Variants in COL11A1 observed in about 807,000 individuals in gnomAD.
COL11A1 encodes the protein collagen alpha-1(XI) chain.
A neutral mutation model predicts 265.2 loss-of-function variants in COL11A1; 74 were observed. The observed-to-expected ratio is 0.28, with a 90% confidence interval of 0.23 to 0.34. COL11A1 has a LOEUF of 0.34. Among genes scored for constraint, COL11A1 ranks in the 10% least tolerant of loss-of-function variants. The pLI is 1.00. For missense variants in COL11A1, 2,165 were observed against 2,263.6 expected (o/e 0.96, Z 0.88); for synonymous variants, 816 against 727.6 (o/e 1.12, Z -1.96).
At chr1:102,946,471 T>TG (rs1191554879) in intron 42 of COL11A1, among the ~76,000 whole-genome samples, 3 of 152,060 alleles carry the variant, frequency 2.0e-5, no homozygotes, top group Non-Finnish European at 4.4e-5. Context: ...TTACAGACTA[T>TG]GGAAATGCTT....
rs1165964060 is a variant in COL11A1 at position 102,878,067 on chromosome 1, C to G, written c.5373G>C (p.Gln1791His). 16 of 1,613,622 alleles carry G rather than the reference C, an allele frequency of 9.9e-6. No homozygotes were observed. Among genetic ancestry groups the G allele is most frequent in the Non-Finnish European group, 1.4e-5 (16 of 1,179,722 alleles). Residue 1791 changes from glutamine to histidine, a missense_variant, in exon 67 of 67, where the codon CAG becomes CAC. Physicochemically the swap from Gln to His is conservative, Grantham distance 24. Coordinates refer to ENST00000370096, the MANE Select transcript of COL11A1 (RefSeq NM_001854.4). ...VDVMINDFGD[Q>H]NQKFGFEVGP... ...CAACTTCAAATCCGAACTTCTGATT[C>G]TGATCACCAAAGTCATTGATCATGA...
At chr1:102,927,135 T>C (rs1656686294) in intron 46 of COL11A1, among the ~76,000 whole-genome samples, 1 of 152,116 alleles carries the variant, frequency 6.6e-6, no homozygotes, top group South Asian at 2.1e-4. Flanking sequence ...TAATCATATT[T>C]ATAAAAATAA....
At chr1:103,079,006 A>T in intron 2 of COL11A1, 135 bp from the exon 3 acceptor site, 1 of 661,720 alleles carries the variant, frequency 1.5e-6, no homozygotes, top group Non-Finnish European at 2.7e-6. Flanking sequence ...ACAGATTAAT[A>T]AATAAATAGG....
intron 4 of COL11A1, among the ~76,000 whole-genome samples, chr1:103,044,509 G>C (rs929596769): frequency 1.3e-5 from 2 of 151,922 alleles, no homozygotes; most frequent in Non-Finnish European, 2.9e-5. Flanking sequence ...AAAACACTAT[G>C]AAAAAACTGT....
Position 102,881,680 on chromosome 1 carries a change from T to C in COL11A1, c.5040+17A>G, listed in dbSNP as rs1383577071. Reference sequence around the variant, plus strand: ...TGAGTTCGTGAAAAATCGTTTCATGTTGAGGTAATAACATACCAGTTTTCC... The same window carrying C: ...TGAGTTCGTGAAAAATCGTTTCATGCTGAGGTAATAACATACCAGTTTTCC... On this transcript the variant is annotated intron_variant, in intron 65 of 66. Transcript: ENST00000370096. 5 of 1,595,944 alleles carry C rather than the reference T, an allele frequency of 3.1e-6. No individual in the cohort carries two copies. The highest frequency in any genetic ancestry group is 1.7e-5 in the Admixed American group (1 of 59,854).
chr1:102,978,318 C>T lies in COL11A1; in HGVS notation c.2754+390G>A, dbSNP rs190109637. Among the ~76,000 whole-genome samples the T allele has an allele frequency of 1.7e-3, 254 of 152,196 alleles. 1 individual carries two copies. Among genetic ancestry groups the T allele is most frequent in the Middle Eastern group, 0.01 (3 of 294 alleles). On this transcript the variant is annotated intron_variant, in intron 35 of 66. Coordinates refer to ENST00000370096, the MANE Select transcript of COL11A1 (RefSeq NM_001854.4). Reference sequence around the variant, plus strand: ...ATTCTGGCTTAATGGCTACTAGTAGCTTGTTTTTTACCAGCATAATTTTGC... The same window carrying T: ...ATTCTGGCTTAATGGCTACTAGTAGTTTGTTTTTTACCAGCATAATTTTGC...
At chr1:102,938,026 T>G (rs1249506315) in intron 44 of COL11A1, among the ~76,000 whole-genome samples, 2 of 152,222 alleles carry the variant, frequency 1.3e-5, no homozygotes, top group African/African-American at 2.4e-5. Context: ...TAAAAATGAA[T>G]TATGCATTAA....
At chr1:103,022,611 T>C (rs916602438) in intron 8 of COL11A1, 131 bp downstream of exon 8, 6 of 1,002,292 alleles carry the variant, frequency 6.0e-6, no homozygotes, top group Non-Finnish European at 9.1e-6. Context: ...GTCCTAGTGG[T>C]AATAGGCATT....
chr1:102,878,502 A>ATATATATATATATATTTTT, intron 66 of COL11A1, among the ~76,000 whole-genome samples: 1 of 126,704 alleles, frequency 7.9e-6, no homozygotes, highest in South Asian at 2.4e-4. Context: ...ATATATATAT[A>ATATATATATATATATTTTT]TTCTTTTTCT....
chr1:103,008,553 G>C, intron 14 of COL11A1, 37 bp from the exon 15 acceptor site: 1 of 1,566,960 alleles, frequency 6.4e-7, no homozygotes, highest in Non-Finnish European at 8.8e-7. Flanking sequence ...ACTTAATTTA[G>C]CAATTTCCTA....
intron 4 of COL11A1, among the ~76,000 whole-genome samples, chr1:103,051,019 A>T (rs1669772333): frequency 6.6e-6 from 1 of 152,062 alleles, no homozygotes; most frequent in South Asian, 2.1e-4. Context: ...CTACTGGGGG[A>T]TGCCTCCCAG....
intron 4 of COL11A1, among the ~76,000 whole-genome samples, chr1:103,037,615 T>A (rs1217478059): frequency 6.6e-6 from 1 of 152,168 alleles, no homozygotes; most frequent in Non-Finnish European, 1.5e-5. Context: ...GAAATTTAGA[T>A]ATAACTAAAA....
chr1:103,028,262 G>A (rs1667712860), intron 5 of COL11A1, among the ~76,000 whole-genome samples: 1 of 152,034 alleles, frequency 6.6e-6, no homozygotes, highest in Admixed American at 6.6e-5. Context: ...TTGAACTCCT[G>A]ACCTCAGGTG....
At position 102,914,209 on chromosome 1, in the gene COL11A1, T is replaced by C. The variant is rs190752210; in HGVS notation, c.3978+143A>G. The stretch of plus-strand genomic sequence containing the variant: ...CTCCAACTATATGGATTTTCCTGCA[T>C]TTGCAATTACTTTTTATGTTTTCTT... On this transcript the variant is annotated intron_variant, in intron 52 of 66. Coordinates refer to ENST00000370096, the MANE Select transcript of COL11A1 (RefSeq NM_001854.4). The C allele has an allele frequency of 2.9e-3, 2,042 of 709,012 alleles. 6 individuals carry two copies. Among genetic ancestry groups the C allele is most frequent in the Admixed American group, 5.3e-3 (200 of 37,526 alleles). 43.9% of individuals were successfully genotyped at this position (709,012 alleles called of 1,614,324 possible).
At chr1:102,934,425 TA>T in intron 46 of COL11A1, 23 bp downstream of exon 46, 11 of 1,509,584 alleles carry the variant, frequency 7.3e-6, no homozygotes, top group Non-Finnish European at 1.0e-5. Flanking sequence ...AATGATGGAG[TA>T]AACAATGACA....
chr1:102,989,027 CTGTT>C (rs1228275753), intron 29 of COL11A1, among the ~76,000 whole-genome samples: 4 of 152,022 alleles, frequency 2.6e-5, no homozygotes, highest in African/African-American at 4.8e-5. Flanking sequence ...ACTAATATTT[CTGTT>C]TGTTTTCTAT....
rs143206624 is a variant in COL11A1 at position 102,886,863 on chromosome 1, G to T, written c.4802C>A (p.Thr1601Asn). The change falls in exon 63 of 67, where the codon ACC becomes AAC. Residue 1601 changes from threonine to asparagine, a missense_variant. Transcript: ENST00000370096. ...GTCTTTACAAGTTCGGGCTGGATTG[G>T]TCTGAGTACCCATTGGAAATTTCAT... ...EHMKFPMGTQ[T>N]NPARTCKDLQ... 2.6e-4 allele frequency: 416 copies of T among 1,613,768 alleles called. No individual in the cohort carries two copies. The highest frequency in any genetic ancestry group is 3.3e-4 in the Middle Eastern group (2 of 6,082).
chr1:103,079,879 A>G (rs1421208957), intron 2 of COL11A1, among the ~76,000 whole-genome samples: 1 of 151,972 alleles, frequency 6.6e-6, no homozygotes, highest in Non-Finnish European at 1.5e-5. Flanking sequence ...AGTAGTATAA[A>G]TCTATAAAAG....
chr1:103,104,206 C>A (rs1674514853), intron 1 of COL11A1, among the ~76,000 whole-genome samples: 1 of 151,912 alleles, frequency 6.6e-6, no homozygotes, highest in Non-Finnish European at 1.5e-5. Context: ...TGATTTAAAT[C>A]CTTGTTATCA....
Sources: gnomAD v4.1 joint callset for allele counts (sites outside exome capture counted in the v4.1 genomes callset) on GRCh38, gnomAD v4.1.1 for gene constraint, MANE v1.5 for transcripts, NCBI Gene and HGNC (gene_info 2026-07-23, HGNC 2026-07-21) for gene names.